DNAJB4: variants seen among roughly 807,000 people sequenced by gnomAD.
DNAJB4 encodes DnaJ heat shock protein family (Hsp40) member B4.
Under a neutral mutation model 26.6 loss-of-function variants are expected in DNAJB4, and 10 were observed. The ratio of observed to expected loss-of-function variants is 0.38; its 90% CI spans 0.23 to 0.64. DNAJB4 has a LOEUF of 0.64. Among genes scored for constraint, DNAJB4 ranks in the 30% least tolerant of loss-of-function variants. The pLI is 0.58. For synonymous variants in DNAJB4, 136 were observed against 134.8 expected (o/e 1.01, Z -0.06); for missense variants, 328 against 408.2 (o/e 0.80, Z 1.69).
intron 1 of DNAJB4, among the ~76,000 whole-genome samples, chr1:77,983,784 A>G (rs954759364): frequency 2.0e-5 from 3 of 152,140 alleles, no homozygotes; most frequent in African/African-American, 7.2e-5. Context: ...TCCTATGTCT[A>G]CTTCTTTCTA....
intron 1 of DNAJB4, among the ~76,000 whole-genome samples, chr1:77,992,541 G>A (rs1032664616): frequency 6.6e-6 from 1 of 152,040 alleles, no homozygotes; most frequent in African/African-American, 2.4e-5. Flanking sequence ...GAATGGTCAA[G>A]GGGAACAATA....
intron 1 of DNAJB4, among the ~76,000 whole-genome samples, chr1:77,991,752 G>A (rs1426786603): frequency 6.6e-6 from 1 of 152,000 alleles, no homozygotes; most frequent in South Asian, 2.1e-4. Context: ...ATTTAAAATG[G>A]CCTCTAAGCA....
chr1:77,997,178 G>A (rs1028088483), intron 1 of DNAJB4, among the ~76,000 whole-genome samples: 8 of 151,920 alleles, frequency 5.3e-5, no homozygotes, highest in African/African-American at 1.9e-4. Context: ...CAGTCATCAA[G>A]TGTGACATTA....
upstream of DNAJB4, chr1:78,004,479 G>A (rs1660271798): frequency 6.6e-6 from 1 of 152,166 alleles, no homozygotes; most frequent in South Asian, 2.1e-4. Context: ...AAATTACTTG[G>A]AAATCCTAAT....
At chr1:77,999,332 A>G (rs1013008640) in intron 1 of DNAJB4, among the ~76,000 whole-genome samples, 10 of 152,160 alleles carry the variant, frequency 6.6e-5, no homozygotes, top group African/African-American at 2.4e-4. Context: ...TTGAAATCTT[A>G]TCACTTGAGT....
chr1:78,001,951 A>G (rs976862093), upstream of DNAJB4, among the ~76,000 whole-genome samples: 9 of 152,362 alleles, frequency 5.9e-5, 1 homozygote, highest in South Asian at 6.2e-4. Context: ...TTAAAAATGC[A>G]GCATTCTTTA....
chr1:77,989,717 G>T (rs1462083532), intron 1 of DNAJB4, among the ~76,000 whole-genome samples: 1 of 152,194 alleles, frequency 6.6e-6, no homozygotes, highest in Non-Finnish European at 1.5e-5. Context: ...AGTGGTGTCA[G>T]GATGCCTTCA....
At chr1:78,003,784 G>GATATAAATCAAAAGGCATCAAAA (rs1380231323), upstream of DNAJB4, among the ~76,000 whole-genome samples, 5 of 151,328 alleles carry the variant, frequency 3.3e-5, no homozygotes, top group Non-Finnish European at 7.4e-5. Context: ...GCATCAAAAG[G>GATATAAATCAAAAGGCATCAAAA]GTATATAAAT....
At chr1:78,007,379 G>A (rs1660356337) in intron 1 of DNAJB4, among the ~76,000 whole-genome samples, 1 of 151,978 alleles carries the variant, frequency 6.6e-6, no homozygotes, top group Non-Finnish European at 1.5e-5. Flanking sequence ...TCAGGAGTTC[G>A]AGACCAGCCT....
Position 78,016,017 on chromosome 1 carries a change from T to G in DNAJB4, c.784T>G (p.Leu262Val). The G allele has an allele frequency of 6.2e-7, 1 of 1,613,452 alleles. No homozygotes were observed. Among genetic ancestry groups the G allele is most frequent in the Non-Finnish European group, 8.5e-7 (1 of 1,179,600 alleles). The change falls in exon 3 of 3, where the codon TTG becomes GTG. Residue 262 changes from leucine (L) to valine (V), a missense_variant. Coordinates refer to ENST00000370763, the MANE Select transcript of DNAJB4 (RefSeq NM_007034.5). ...TATTTTATTTGGTCCATTTTAGGCATTGTGTGGCTGCTCAATTAATGTACC... is the reference window on the plus strand; with the variant it reads ...TATTTTATTTGGTCCATTTTAGGCAGTGTGTGGCTGCTCAATTAATGTACC... ...YTAKISLREA[L>V]CGCSINVPTL...
At chr1:77,984,212 C>G (rs1000890026) in intron 1 of DNAJB4, among the ~76,000 whole-genome samples, 3 of 152,212 alleles carry the variant, frequency 2.0e-5, no homozygotes, top group Admixed American at 6.5e-5. Context: ...TTTCTGCATT[C>G]ATCCTGTGAA....
chr1:78,012,749 C>T (rs1220912322), intron 1 of DNAJB4, among the ~76,000 whole-genome samples: 3 of 152,068 alleles, frequency 2.0e-5, no homozygotes, highest in African/African-American at 4.8e-5. Flanking sequence ...GCGGAGGTTG[C>T]GGTGAGCCAA....
At chr1:77,993,981 G>A (rs920503919) in intron 1 of DNAJB4, among the ~76,000 whole-genome samples, 12 of 152,146 alleles carry the variant, frequency 7.9e-5, no homozygotes, top group Non-Finnish European at 1.2e-4. Flanking sequence ...ATATTTGGTA[G>A]CCATTATTAA....
chr1:78,006,817 CTAT>C (rs1434626877), intron 1 of DNAJB4, among the ~76,000 whole-genome samples: 2 of 152,134 alleles, frequency 1.3e-5, no homozygotes, highest in African/African-American at 4.8e-5. Flanking sequence ...TAATGTACTA[CTAT>C]TTCTAAAGGA....
upstream of DNAJB4, among the ~76,000 whole-genome samples, chr1:78,000,810 C>T (rs756262200): frequency 1.3e-5 from 2 of 152,038 alleles, no homozygotes; most frequent in African/African-American, 2.4e-5. Context: ...GGCAAAACCT[C>T]GTCTCTACTA....
At chr1:77,993,072 A>G (rs1659975099) in intron 1 of DNAJB4, among the ~76,000 whole-genome samples, 1 of 152,234 alleles carries the variant, frequency 6.6e-6, no homozygotes, top group South Asian at 2.1e-4. Flanking sequence ...AGTTTGCCAG[A>G]TGCAATAAAA....
At chr1:77,996,381 C>G (rs1016504462) in intron 1 of DNAJB4, among the ~76,000 whole-genome samples, 3 of 152,112 alleles carry the variant, frequency 2.0e-5, no homozygotes, top group African/African-American at 7.2e-5. Context: ...TCTCAAACTC[C>G]TGGGCTCAAG....
intron 1 of DNAJB4, 35 bp from the exon 2 acceptor site, chr1:78,013,016 A>G (rs770861622): frequency 1.3e-6 from 2 of 1,514,118 alleles, no homozygotes; most frequent in Admixed American, 4.6e-5. Context: ...AAGAGTTGCA[A>G]GCTTTTTTCT....
intron 1 of DNAJB4, among the ~76,000 whole-genome samples, chr1:77,990,071 A>G (rs1231236661): frequency 6.6e-6 from 1 of 152,142 alleles, no homozygotes; most frequent in Non-Finnish European, 1.5e-5. Context: ...TCCCCAAGAG[A>G]CTGGGGGATG....
Sources: allele counts gnomAD v4.1 joint callset (sites outside exome capture counted in the v4.1 genomes callset), GRCh38; gene constraint gnomAD v4.1.1; transcripts MANE v1.5; gene names NCBI Gene and HGNC (gene_info 2026-07-23, HGNC 2026-07-21).